Variants in MANEA observed in about 807,000 individuals in gnomAD.
The protein encoded by MANEA is glycoprotein endo-alpha-1,2-mannosidase.
Under a neutral mutation model 36.8 loss-of-function variants are expected in MANEA, and 25 were observed. The observed-to-expected ratio is 0.68, with a 90% confidence interval of 0.50 to 0.95. The LOEUF (loss-of-function observed/expected upper bound fraction) is 0.95. MANEA is among the 40% of genes least tolerant of loss of function. The pLI is 0.00. For missense variants in MANEA, 565 were observed against 558.8 expected (o/e 1.01, Z -0.11); for synonymous variants, 198 against 188.5 (o/e 1.05, Z -0.41).
At chr6:95,584,313 A>G (rs1769238442) in intron 1 of MANEA, among the ~76,000 whole-genome samples, 1 of 152,178 alleles carries the variant, frequency 6.6e-6, no homozygotes, top group Admixed American at 6.5e-5. Context: ...TGGACGTGCA[A>G]GTAGGAGAGG....
chr6:95,605,695 T>C (rs1394838795), intron 4 of MANEA, 53 bp from the exon 5 acceptor site: 2 of 1,392,598 alleles, frequency 1.4e-6, no homozygotes, highest in African/African-American at 2.9e-5. Flanking sequence ...TTTTTGTCTG[T>C]GGCAAATTAG....
chr6:95,606,525 AT>A lies in MANEA; in HGVS notation c.*127del, dbSNP rs1055335138. On this transcript the variant is annotated 3_prime_UTR_variant, in exon 5 of 5. Transcript: ENST00000358812. ...TATACTATTAGTTATATTTAAAAAT[AT>A]TTTTTTAAATTCTTTACAGATAATA... is the stretch of plus-strand genomic sequence containing the variant. 6 of 500,280 alleles carry A rather than the reference AT, an allele frequency of 1.2e-5. No individual in the cohort carries two copies. Among genetic ancestry groups the A allele is most frequent in the African/African-American group, 2.0e-5 (1 of 50,088 alleles). The allele number at this position is 500,280 out of a possible 1,614,324, so 31.0% of individuals were successfully genotyped here. A position where few individuals can be genotyped will look rare whatever the true frequency, so the allele number is the denominator to read the frequency against.
At position 95,596,939 on chromosome 6, in the gene MANEA, AATG is replaced by A. The variant is rs565074992; in HGVS notation, c.654+96_654+98del. The A allele has an allele frequency of 1.8e-3, 984 of 557,532 alleles. 6 individuals carry two copies. The highest frequency in any genetic ancestry group is 1.7e-3 in the Non-Finnish European group (540 of 316,756). 34.5% of individuals were successfully genotyped at this position (557,532 alleles called of 1,614,324 possible). A position where few individuals can be genotyped will look rare whatever the true frequency, so the allele number is the denominator to read the frequency against. Reference sequence around the variant, plus strand: ...TTTTGAAATAGTAATTTTAATTAAAAATGATAATGACTTAGAATCTTTTAAATA... The same window carrying A: ...TTTTGAAATAGTAATTTTAATTAAAAATAATGACTTAGAATCTTTTAAATA... On this transcript the variant is annotated intron_variant, in intron 3 of 4. Coordinates refer to ENST00000358812, the MANE Select transcript of MANEA (RefSeq NM_024641.4).
intron 2 of MANEA, among the ~76,000 whole-genome samples, chr6:95,593,545 C>A (rs1769425163): frequency 6.6e-6 from 1 of 152,182 alleles, no homozygotes; most frequent in African/African-American, 2.4e-5. Context: ...TATTCTCTAT[C>A]TGTGCTGCCT....
Position 95,597,732 on chromosome 6 carries a change from A to G in MANEA, c.654+886A>G, listed in dbSNP as rs578207863. Reference sequence around the variant, plus strand: ...TAAATAGCACTGAGATTATTGCATTATCAATACCAATGGGACCTAAATAAT... The same window carrying G: ...TAAATAGCACTGAGATTATTGCATTGTCAATACCAATGGGACCTAAATAAT... On this transcript the variant is annotated intron_variant, in intron 3 of 4. Transcript: ENST00000358812. Among the ~76,000 whole-genome samples the G allele has an allele frequency of 4.6e-4, 70 of 152,184 alleles. 1 individual carries two copies. The highest frequency in any genetic ancestry group is 1.6e-3 in the African/African-American group (66 of 41,560).
intron 3 of MANEA, among the ~76,000 whole-genome samples, chr6:95,603,050 A>C (rs1282094284): frequency 6.6e-6 from 1 of 150,812 alleles, no homozygotes; most frequent in African/African-American, 2.4e-5. Flanking sequence ...AAAAAAAAAA[A>C]AATTGCAAAG....
intron 1 of MANEA, among the ~76,000 whole-genome samples, chr6:95,580,798 TA>T (rs1769166087): frequency 6.6e-6 from 1 of 151,228 alleles, no homozygotes; most frequent in African/African-American, 2.4e-5. Context: ...GAGGAATAAG[TA>T]CTTTTCACTG....
chr6:95,587,006 T>TATATATGTGG, intron 2 of MANEA, 23 bp downstream of exon 2: 1 of 1,261,832 alleles, frequency 7.9e-7, no homozygotes, highest in Non-Finnish European at 1.1e-6. Flanking sequence ...TATATATATA[T>TATATATGTGG]GTGTGTTTGT....
intron 2 of MANEA, among the ~76,000 whole-genome samples, chr6:95,595,822 C>T (rs1309408851): frequency 1.3e-5 from 2 of 152,018 alleles, no homozygotes; most frequent in African/African-American, 4.8e-5. Flanking sequence ...TAGGCAGGCA[C>T]TACAGAGAGG....
intron 2 of MANEA, chr6:95,587,276 A>G (rs1769307324): frequency 2.9e-6 from 1 of 344,692 alleles, no homozygotes; most frequent in East Asian, 5.8e-5. Flanking sequence ...ATAAAATACA[A>G]TGAATTTCCC....
Position 95,586,816 on chromosome 6 carries a change from C to G in MANEA, c.377C>G (p.Pro126Arg). The G allele has an allele frequency of 6.2e-7, 1 of 1,613,870 alleles. No individual in the cohort carries two copies. Among genetic ancestry groups the G allele is most frequent in the East Asian group, 2.2e-5 (1 of 44,860 alleles). The change falls in exon 2 of 5, where the codon CCA becomes CGA. Residue 126 changes from proline (P) to arginine (R), a missense_variant. Coordinates refer to ENST00000358812, the MANE Select transcript of MANEA (RefSeq NM_024641.4). ...FDGKYIHWNHPVLEHWDPRIA... is the reference protein window; with the variant it reads ...FDGKYIHWNHRVLEHWDPRIA... The stretch of plus-strand genomic sequence containing the variant: ...GGTAAATATATACATTGGAATCATC[C>G]AGTGTTAGAGCATTGGGACCCTAGA...
chr6:95,603,672 C>CTAG (rs1769642779), intron 3 of MANEA, among the ~76,000 whole-genome samples: 1 of 151,900 alleles, frequency 6.6e-6, no homozygotes, highest in Non-Finnish European at 1.5e-5. Flanking sequence ...CAATAGAAGT[C>CTAG]TCTAGTTCCA....
intron 1 of MANEA, among the ~76,000 whole-genome samples, chr6:95,583,600 CT>C (rs879882812): frequency 4.6e-5 from 7 of 151,942 alleles, no homozygotes; most frequent in Admixed American, 3.9e-4. Flanking sequence ...GTTAGATATG[CT>C]TGTGTGCGGT....
chr6:95,594,904 A>T (rs187778075), intron 2 of MANEA, among the ~76,000 whole-genome samples: 170 of 152,114 alleles, frequency 1.1e-3, no homozygotes, highest in Non-Finnish European at 2.2e-3. Context: ...TTTTCCCTTC[A>T]ATTTGGCCAG....
In MANEA at chr6:95,596,791, C is replaced by G. The variant is rs1769491226; in HGVS notation, c.599C>G (p.Pro200Arg). 6.2e-7 allele frequency: 1 copy of G among 1,608,208 alleles called. No homozygotes were observed. The highest frequency in any genetic ancestry group is 8.5e-7 in the Non-Finnish European group (1 of 1,175,090). Residue 200 changes from proline (P) to arginine (R), a missense_variant, in exon 3 of 5, where the codon CCT becomes CGT. Pro to Arg is a moderately radical substitution (Grantham distance 103). Transcript: ENST00000358812. ...PPDVNDENGE[P>R]TDNLVPTILD... ...GATGTAAATGATGAAAATGGAGAAC[C>G]TACTGATAACTTGGTACCCACTATT...
rs753882528 is a variant in MANEA at position 95,606,075 on chromosome 6, C to G, written c.1059C>G (p.Ile353Met). 1.2e-6 allele frequency: 2 copies of G among 1,613,898 alleles called. No homozygotes were observed. The highest frequency in any genetic ancestry group is 1.7e-6 in the Non-Finnish European group (2 of 1,179,916). The change falls in exon 5 of 5, where the codon ATC becomes ATG. Residue 353 changes from isoleucine to methionine, a missense_variant. Physicochemically the swap from Ile to Met is conservative, Grantham distance 10. Coordinates refer to ENST00000358812, the MANE Select transcript of MANEA (RefSeq NM_024641.4). ...GTGATAAATACAACTTAATATTTAT[C>G]CCAAGTGTGGGCCCAGGATACATAG... ...LFCDKYNLIF[I>M]PSVGPGYIDT...
chr6:95,603,059 A>G (rs1769629382), intron 3 of MANEA, among the ~76,000 whole-genome samples: 1 of 150,778 alleles, frequency 6.6e-6, no homozygotes, highest in African/African-American at 2.4e-5. Context: ...AAAATTGCAA[A>G]GTAATTTTAT....
intron 1 of MANEA, among the ~76,000 whole-genome samples, chr6:95,583,595 A>G (rs77073808): frequency 0.041 from 6,164 of 152,194 alleles, 126 homozygotes; most frequent in Non-Finnish European, 0.051. Context: ...CTTTAGTTAG[A>G]TATGCTTGTG....
chr6:95,579,437 G>T (rs1043265309), intron 1 of MANEA, among the ~76,000 whole-genome samples: 1 of 152,022 alleles, frequency 6.6e-6, no homozygotes, highest in African/African-American at 2.4e-5. Context: ...TAACCAGAGG[G>T]TACAAGTGTT....
Sources: allele counts gnomAD v4.1 joint callset (sites outside exome capture counted in the v4.1 genomes callset), GRCh38; gene constraint gnomAD v4.1.1; transcripts MANE v1.5; gene names NCBI Gene and HGNC (gene_info 2026-07-23, HGNC 2026-07-21).